ESRRG: variants seen among roughly 807,000 people sequenced by gnomAD.
ESRRG encodes estrogen-related receptor gamma.
ESRRG carries 13 observed loss-of-function variants against 44.0 expected under a neutral mutation model. The observed-to-expected ratio is 0.30, with a 90% CI of 0.19 to 0.47. The LOEUF (loss-of-function observed/expected upper bound fraction) is 0.47. ESRRG is among the 20% of genes least tolerant of loss of function. The pLI, the probability that ESRRG is intolerant of heterozygous loss-of-function variation, is 1.00. For synonymous variants in ESRRG, 215 were observed against 214.6 expected, an observed-to-expected ratio of 1.00 and a Z score of -0.02; for missense variants, 395 against 580.6, an observed-to-expected ratio of 0.68 and a Z score of 3.29.
At chr1:216,709,108 T>A (rs2083041239) in intron 1 of ESRRG, among the ~76,000 whole-genome samples, 1 of 152,076 alleles carries the variant, frequency 6.6e-6, no homozygotes, top group Admixed American at 6.5e-5. Flanking sequence ...GAGAAATGTC[T>A]AATGTAGATG....
At chr1:216,533,404 T>G (rs1004409424) in intron 5 of ESRRG, among the ~76,000 whole-genome samples, 4 of 152,126 alleles carry the variant, frequency 2.6e-5, no homozygotes, top group African/African-American at 9.7e-5. Flanking sequence ...CCTCAAGATA[T>G]GAGAGAGTGT....
chr1:216,652,761 T>A lies in ESRRG; in HGVS notation c.473-1672A>T, dbSNP rs11572705. ...AAGGATTTATAATCTGAACTTTAGATGAACCACTCTTCACTGCAGAGTTTC... is the reference window on the plus strand; with the variant it reads ...AAGGATTTATAATCTGAACTTTAGAAGAACCACTCTTCACTGCAGAGTTTC... On this transcript the variant is annotated intron_variant, in intron 2 of 6. Coordinates refer to ENST00000408911, the MANE Select transcript of ESRRG (RefSeq NM_001438.4). Among the ~76,000 whole-genome samples the A allele has an allele frequency of 4.9e-4, 75 of 152,268 alleles. 1 individual carries two copies. In the East Asian group the frequency reaches 0.011, roughly 22 times the overall value.
intron 1 of ESRRG, among the ~76,000 whole-genome samples, chr1:217,065,090 T>C (rs1027694686): frequency 7.9e-5 from 12 of 152,240 alleles, no homozygotes; most frequent in African/African-American, 2.9e-4. Context: ...AAGGCAGAGG[T>C]GTTTCAACTG....
At chr1:216,917,071 C>A (rs896715244) in intron 2 of ESRRG, among the ~76,000 whole-genome samples, 6 of 151,334 alleles carry the variant, frequency 4.0e-5, no homozygotes, top group Admixed American at 2.6e-4. Context: ...TCTCTCTCCT[C>A]CCCTAGAATC....
intron 2 of ESRRG, among the ~76,000 whole-genome samples, chr1:216,770,733 T>G (rs1313702219): frequency 1.3e-5 from 2 of 152,174 alleles, no homozygotes; most frequent in African/African-American, 4.8e-5. Context: ...CTTGATTCAT[T>G]GTTGGATTAT....
chr1:216,583,052 A>G (rs953901197), intron 3 of ESRRG, among the ~76,000 whole-genome samples: 1 of 152,132 alleles, frequency 6.6e-6, no homozygotes, highest in Non-Finnish European at 1.5e-5. Flanking sequence ...AAGAAAAAAA[A>G]AACTGTAAAT....
chr1:216,888,347 A>C (rs1179295380), intron 2 of ESRRG, among the ~76,000 whole-genome samples: 1 of 152,200 alleles, frequency 6.6e-6, no homozygotes, highest in Non-Finnish European at 1.5e-5. Flanking sequence ...CAGGCTCTTC[A>C]AAGCAATATG....
upstream of ESRRG, chr1:217,090,591 C>G (rs959072002): frequency 6.6e-6 from 1 of 152,072 alleles, no homozygotes; most frequent in Non-Finnish European, 1.5e-5. Context: ...CAGAGATGTT[C>G]TTTAAAGCCT....
At chr1:216,618,903 A>G (rs1381637135) in intron 3 of ESRRG, among the ~76,000 whole-genome samples, 3 of 152,232 alleles carry the variant, frequency 2.0e-5, no homozygotes, top group Non-Finnish European at 4.4e-5. Flanking sequence ...AGAACAGCCC[A>G]TGCCATTGAC....
chr1:216,832,762 G>A (rs1025841238), intron 2 of ESRRG, among the ~76,000 whole-genome samples: 23 of 151,986 alleles, frequency 1.5e-4, no homozygotes, highest in African/African-American at 5.1e-4. Flanking sequence ...TCAAGAGTTC[G>A]AGACCAGCCT....
intron 2 of ESRRG, among the ~76,000 whole-genome samples, chr1:216,769,377 T>C (rs952740829): frequency 6.6e-6 from 1 of 152,102 alleles, no homozygotes; most frequent in Non-Finnish European, 1.5e-5. Context: ...TAAGTAACCA[T>C]GAAGAGAACT....
chr1:216,692,703 G>A (rs2079296767), intron 1 of ESRRG, among the ~76,000 whole-genome samples: 1 of 152,178 alleles, frequency 6.6e-6, no homozygotes, highest in African/African-American at 2.4e-5. Context: ...TTCCAGCCCT[G>A]TAAGCTCCAG....
chr1:216,724,164 G>A (rs1051944266), upstream of ESRRG, among the ~76,000 whole-genome samples: 1 of 152,094 alleles, frequency 6.6e-6, no homozygotes, highest in African/African-American at 2.4e-5. Flanking sequence ...GAATGCCTAA[G>A]TAAATTATAT....
intron 1 of ESRRG, among the ~76,000 whole-genome samples, chr1:217,134,937 A>T (rs527784920): frequency 6.6e-6 from 1 of 152,242 alleles, no homozygotes; most frequent in African/African-American, 2.4e-5. Context: ...AAGGTGCCGC[A>T]GCGCCCAGTT....
intron 2 of ESRRG, among the ~76,000 whole-genome samples, chr1:216,861,994 T>G (rs1021653770): frequency 1.3e-5 from 2 of 152,146 alleles, no homozygotes; most frequent in Non-Finnish European, 2.9e-5. Context: ...TACAAGATAC[T>G]ACTACACATC....
At chr1:216,873,911 G>GGGAAA (rs1331243011) in intron 2 of ESRRG, among the ~76,000 whole-genome samples, 4 of 78,386 alleles carry the variant, frequency 5.1e-5, no homozygotes, top group Non-Finnish European at 8.5e-5. Flanking sequence ...GGGAAGGGAA[G>GGGAAA]GGAAGGGAAG....
chr1:216,548,495 A>G (rs2055252631), intron 5 of ESRRG, among the ~76,000 whole-genome samples: 1 of 152,100 alleles, frequency 6.6e-6, no homozygotes, highest in South Asian at 2.1e-4. Context: ...GGACTTGTTT[A>G]ACCTATACTA....
chr1:217,004,369 T>C (rs932266949), intron 1 of ESRRG, among the ~76,000 whole-genome samples: 3 of 152,146 alleles, frequency 2.0e-5, no homozygotes, highest in African/African-American at 7.2e-5. Flanking sequence ...CTAGTGGTAG[T>C]GAATAAGTCT....
At chr1:216,895,891 A>T (rs1039377742) in intron 2 of ESRRG, among the ~76,000 whole-genome samples, 21 of 152,178 alleles carry the variant, frequency 1.4e-4, no homozygotes, top group African/African-American at 5.1e-4. Flanking sequence ...GTTCAAATGG[A>T]AATCAGAACT....
Sources: gnomAD v4.1 joint callset for allele counts (sites outside exome capture counted in the v4.1 genomes callset) on GRCh38, gnomAD v4.1.1 for gene constraint, MANE v1.5 for transcripts, NCBI Gene and HGNC (gene_info 2026-07-23, HGNC 2026-07-21) for gene names.